The following ZBTB7C variants were observed in gnomAD, a reference collection of about 807,000 sequenced individuals.
The protein encoded by ZBTB7C is zinc finger and BTB domain-containing protein 7C.
A neutral mutation model predicts 25.7 loss-of-function variants in ZBTB7C; 8 were observed. That is an observed-to-expected ratio of 0.31 (90% CI 0.18 to 0.56). ZBTB7C has a LOEUF of 0.56. Ranked by LOEUF, ZBTB7C falls within the 20% of genes least tolerant of loss-of-function variation. The probability of loss-of-function intolerance (pLI) is 0.91; values close to 1 mark genes in which losing one functional copy is unlikely to be tolerated. For missense variants in ZBTB7C, 824 were observed against 855.2 expected (o/e 0.96, Z 0.46); for synonymous variants, 394 against 369.0 (o/e 1.07, Z -0.78).
chr18:48,239,349 T>A (rs1049762476), intron 2 of ZBTB7C, among the ~76,000 whole-genome samples: 1 of 152,190 alleles, frequency 6.6e-6, no homozygotes, highest in South Asian at 2.1e-4. Flanking sequence ...TATCAGCTGA[T>A]GCTCCCTTGA....
At chr18:48,074,999 C>T (rs535824551) in intron 3 of ZBTB7C, among the ~76,000 whole-genome samples, 3 of 152,302 alleles carry the variant, frequency 2.0e-5, no homozygotes, top group Non-Finnish European at 2.9e-5. Context: ...TAATTGAACT[C>T]ACATCTTTGC....
intron 3 of ZBTB7C, among the ~76,000 whole-genome samples, chr18:48,107,870 G>C (rs1276363626): frequency 6.6e-6 from 1 of 152,192 alleles, no homozygotes; most frequent in African/African-American, 2.4e-5. Flanking sequence ...GTGCTATCTG[G>C]AGAGTAGCTG....
At chr18:48,142,177 C>T (rs1448363425) in intron 3 of ZBTB7C, among the ~76,000 whole-genome samples, 1 of 152,272 alleles carries the variant, frequency 6.6e-6, no homozygotes, top group East Asian at 1.9e-4. Flanking sequence ...CCATCAAACT[C>T]CTCCACTTCT....
upstream of ZBTB7C, among the ~76,000 whole-genome samples, chr18:48,411,157 T>C (rs539355168): frequency 7.9e-5 from 12 of 152,030 alleles, no homozygotes; most frequent in Non-Finnish European, 1.8e-4. Flanking sequence ...GATGTAAGAG[T>C]GGAAAACTAG....
intron 3 of ZBTB7C, among the ~76,000 whole-genome samples, chr18:48,047,123 G>C (rs1418521951): frequency 6.6e-6 from 1 of 152,280 alleles, no homozygotes; most frequent in Non-Finnish European, 1.5e-5. Flanking sequence ...GCCACTTGCT[G>C]TTTCATTGTC....
At chr18:48,119,465 C>T (rs896434376) in intron 3 of ZBTB7C, among the ~76,000 whole-genome samples, 12 of 152,370 alleles carry the variant, frequency 7.9e-5, no homozygotes, top group South Asian at 6.2e-4. Context: ...CTGAAACCAC[C>T]AGGCACCTCC....
At chr18:48,357,082 CCTGCATTCTCCA>C (rs1289302081) in intron 1 of ZBTB7C, among the ~76,000 whole-genome samples, 1 of 152,212 alleles carries the variant, frequency 6.6e-6, no homozygotes, top group Admixed American at 6.5e-5. Context: ...CCTGAGGCAG[CCTGCATTCTCCA>C]TGAGCATATG....
chr18:48,325,953 T>A (rs1264105693), intron 2 of ZBTB7C, among the ~76,000 whole-genome samples: 1 of 152,102 alleles, frequency 6.6e-6, no homozygotes. Context: ...AAGACTATTA[T>A]CTAACAGCTC....
At chr18:48,411,774 T>C (rs948856646), upstream of ZBTB7C, among the ~76,000 whole-genome samples, 1 of 152,300 alleles carries the variant, frequency 6.6e-6, no homozygotes, top group African/African-American at 2.4e-5. Flanking sequence ...GTCTAGTAAA[T>C]AGTAAATAGA....
chr18:48,263,503 T>TA (rs771406274), intron 2 of ZBTB7C, among the ~76,000 whole-genome samples: 2 of 152,104 alleles, frequency 1.3e-5, no homozygotes, highest in Non-Finnish European at 2.9e-5. Flanking sequence ...TAGAGGACCT[T>TA]AAAAAATGTA....
chr18:48,200,858 C>T (rs1338759143), intron 2 of ZBTB7C, among the ~76,000 whole-genome samples: 1 of 152,214 alleles, frequency 6.6e-6, no homozygotes, highest in African/African-American at 2.4e-5. Flanking sequence ...TGGCCCAGGT[C>T]CCCACCTGCC....
intron 2 of ZBTB7C, among the ~76,000 whole-genome samples, chr18:48,296,102 C>A (rs985876298): frequency 6.6e-6 from 1 of 152,222 alleles, no homozygotes; most frequent in Admixed American, 6.5e-5. Flanking sequence ...GAAGATGGCC[C>A]GTGGCCTGGG....
At chr18:48,347,124 G>GTTTTTTTT (rs1158209713) in intron 1 of ZBTB7C, among the ~76,000 whole-genome samples, 8 of 80,508 alleles carry the variant, frequency 9.9e-5, no homozygotes, top group African/African-American at 1.6e-4. Context: ...GTTTTTGTTT[G>GTTTTTTTT]TTTTTTTTTT....
chr18:48,303,872 C>A (rs2045601772), intron 2 of ZBTB7C, among the ~76,000 whole-genome samples: 1 of 152,236 alleles, frequency 6.6e-6, no homozygotes. Context: ...GATAGTTTTA[C>A]CAGTTCCCTT....
At chr18:48,279,342 C>T (rs149456659) in intron 2 of ZBTB7C, among the ~76,000 whole-genome samples, 5 of 152,244 alleles carry the variant, frequency 3.3e-5, no homozygotes, top group East Asian at 3.9e-4. Flanking sequence ...GCAGTCATTT[C>T]GTGGTCAACA....
chr18:48,132,933 T>C (rs1293969059), intron 3 of ZBTB7C, among the ~76,000 whole-genome samples: 1 of 152,238 alleles, frequency 6.6e-6, no homozygotes, highest in African/African-American at 2.4e-5. Flanking sequence ...TGATATCATT[T>C]GGGAGGGCCA....
intron 2 of ZBTB7C, among the ~76,000 whole-genome samples, chr18:48,299,178 AGGGAAAGGTACTCTT>A (rs2045478587): frequency 6.6e-6 from 1 of 152,102 alleles, no homozygotes; most frequent in African/African-American, 2.4e-5. Context: ...CCTGGAGGAG[AGGGAAAGGTACTCTT>A]GGGTCTGGGA....
intron 1 of ZBTB7C, among the ~76,000 whole-genome samples, chr18:48,351,733 A>G (rs1893837): frequency 0.64 from 97,059 of 152,128 alleles, 31,444 homozygotes; most frequent in East Asian, 0.95. Context: ...AGCCTTTGAC[A>G]GCAGTGACTG....
chr18:48,369,165 G>A (rs1398855465), intron 1 of ZBTB7C, among the ~76,000 whole-genome samples: 1 of 152,084 alleles, frequency 6.6e-6, no homozygotes, highest in Non-Finnish European at 1.5e-5. Context: ...GTGGGGGAGG[G>A]TAAAGAAATA....
Sources: gnomAD v4.1 joint callset for allele counts (sites outside exome capture counted in the v4.1 genomes callset) on GRCh38, gnomAD v4.1.1 for gene constraint, MANE v1.5 for transcripts, NCBI Gene and HGNC (gene_info 2026-07-23, HGNC 2026-07-21) for gene names.